The following AHCYL2 variants were observed in gnomAD, a reference collection of about 807,000 sequenced individuals.
AHCYL2 encodes S-adenosylhomocysteine hydrolase-like protein 2.
Under a neutral mutation model 81.4 loss-of-function variants are expected in AHCYL2, and 28 were observed. The observed-to-expected ratio is 0.34, with a 90% confidence interval of 0.25 to 0.47. AHCYL2 has a LOEUF of 0.47. AHCYL2 is among the 20% of genes least tolerant of loss of function. The pLI, the probability that AHCYL2 is intolerant of heterozygous loss-of-function variation, is 1.00. For missense variants in AHCYL2, 551 were observed against 785.1 expected (o/e 0.70, Z 3.56); for synonymous variants, 272 against 290.2 (o/e 0.94, Z 0.64).
intron 12 of AHCYL2, among the ~76,000 whole-genome samples, chr7:129,414,394 A>G (rs1796740123): frequency 1.3e-5 from 2 of 151,184 alleles, no homozygotes; most frequent in Admixed American, 1.3e-4. Flanking sequence ...AAGTTGCCCA[A>G]GTAATAGTTA....
intron 1 of AHCYL2, among the ~76,000 whole-genome samples, chr7:129,232,029 A>G (rs1380619205): frequency 6.6e-6 from 1 of 151,884 alleles, no homozygotes; most frequent in Admixed American, 6.6e-5. Flanking sequence ...AGGGTATTTG[A>G]ACTGCTGATT....
chr7:129,362,045 TTG>T (rs1793947687), intron 1 of AHCYL2, among the ~76,000 whole-genome samples: 1 of 152,208 alleles, frequency 6.6e-6, no homozygotes, highest in African/African-American at 2.4e-5. Flanking sequence ...AACCAGGCAG[TTG>T]AGTACTACTC....
At chr7:129,338,394 A>T (rs1051438506) in intron 1 of AHCYL2, among the ~76,000 whole-genome samples, 2 of 151,998 alleles carry the variant, frequency 1.3e-5, no homozygotes, top group Non-Finnish European at 2.9e-5. Flanking sequence ...GCCTCAAGTG[A>T]TCCTCCTGCC....
intron 14 of AHCYL2, 51 bp downstream of exon 14, chr7:129,424,993 C>T (rs1400200500): frequency 1.2e-6 from 2 of 1,612,450 alleles, no homozygotes; most frequent in African/African-American, 2.7e-5. Flanking sequence ...TCCTCAGACC[C>T]ACCAGGTTTC....
intron 1 of AHCYL2, among the ~76,000 whole-genome samples, chr7:129,296,860 A>G (rs1160060747): frequency 4.6e-5 from 7 of 152,242 alleles, no homozygotes; most frequent in African/African-American, 1.7e-4. Context: ...TAAAAATTTC[A>G]GGACATTCTG....
At chr7:129,309,876 G>T (rs1797590139) in intron 1 of AHCYL2, among the ~76,000 whole-genome samples, 1 of 151,752 alleles carries the variant, frequency 6.6e-6, no homozygotes, top group Non-Finnish European at 1.5e-5. Flanking sequence ...ACTCATCTCA[G>T]ACCCCTTCCT....
chr7:129,413,913 G>C (rs1338386333), intron 12 of AHCYL2, among the ~76,000 whole-genome samples: 1 of 152,152 alleles, frequency 6.6e-6, no homozygotes, highest in African/African-American at 2.4e-5. Context: ...ATTCAAGCTC[G>C]ATGCCTGTTT....
intron 1 of AHCYL2, among the ~76,000 whole-genome samples, chr7:129,355,759 T>C (rs1023404983): frequency 3.9e-5 from 6 of 152,212 alleles, no homozygotes; most frequent in African/African-American, 1.2e-4. Flanking sequence ...CAATTTTTGC[T>C]TCTTAAGTAG....
chr7:129,371,481 G>A (rs1039274652), intron 1 of AHCYL2, among the ~76,000 whole-genome samples: 8 of 152,156 alleles, frequency 5.3e-5, no homozygotes, highest in African/African-American at 1.9e-4. Flanking sequence ...TCAAGGTTAC[G>A]TTCCATCAAT....
At chr7:129,379,824 A>G in intron 2 of AHCYL2, 75 bp downstream of exon 2, 1 of 1,128,824 alleles carries the variant, frequency 8.9e-7, no homozygotes, top group Non-Finnish European at 1.3e-6. Context: ...CTGTCTATCC[A>G]AGGCTAATTA....
chr7:129,403,734 G>A lies in AHCYL2; in HGVS notation c.1025+249G>A, dbSNP rs540617777. Among the ~76,000 whole-genome samples, 4 of 151,778 alleles carry A rather than the reference G, an allele frequency of 2.6e-5. No individual in the cohort carries two copies. The South Asian group carries it at 8.3e-4, about 32-fold the overall frequency. On this transcript the variant is annotated intron_variant, in intron 7 of 16. Transcript: ENST00000325006. ...AAAAAATTAGCCTGGTGTGGTGGGC[G>A]CCTGTGGTCCCAGCTACTCGGGAGG...
At chr7:129,400,198 G>A in intron 5 of AHCYL2, 92 bp from the exon 6 acceptor site, 1 of 1,117,756 alleles carries the variant, frequency 8.9e-7, no homozygotes, top group Non-Finnish European at 1.3e-6. Context: ...GAGAGAGTTG[G>A]AAATTAGGAA....
At chr7:129,261,424 G>A (rs73722905) in intron 1 of AHCYL2, among the ~76,000 whole-genome samples, 512 of 152,190 alleles carry the variant, frequency 3.4e-3, no homozygotes, top group African/African-American at 0.012. Flanking sequence ...TCTTAGAATC[G>A]TTGTTCAACC....
chr7:129,315,963 T>A (rs565013352), intron 1 of AHCYL2, among the ~76,000 whole-genome samples: 1 of 152,230 alleles, frequency 6.6e-6, no homozygotes, highest in African/African-American at 2.4e-5. Flanking sequence ...GAAGAGGAGA[T>A]GCAAGAGATC....
At chr7:129,276,618 G>C (rs1796214966) in intron 1 of AHCYL2, among the ~76,000 whole-genome samples, 1 of 151,176 alleles carries the variant, frequency 6.6e-6, no homozygotes, top group African/African-American at 2.4e-5. Context: ...GCATGGTGGT[G>C]GGCACCTGTA....
chr7:129,405,390 C>A (rs1260266979), intron 8 of AHCYL2, 177 bp downstream of exon 8: 2 of 421,596 alleles, frequency 4.7e-6, no homozygotes, highest in African/African-American at 4.1e-5. Flanking sequence ...TCCTTTGTAT[C>A]TTTTCTATTT....
At chr7:129,405,969 T>G in intron 9 of AHCYL2, 70 bp downstream of exon 9, 1 of 1,473,336 alleles carries the variant, frequency 6.8e-7, no homozygotes, top group South Asian at 1.2e-5. Context: ...AATTTTTTAT[T>G]TGTATGGACA....
At chr7:129,225,798 A>G (rs896331824) in intron 1 of AHCYL2, among the ~76,000 whole-genome samples, 1 of 152,184 alleles carries the variant, frequency 6.6e-6, no homozygotes, top group Non-Finnish European at 1.5e-5. Flanking sequence ...TAGTATAGAA[A>G]AACCTTACCG....
intron 6 of AHCYL2, among the ~76,000 whole-genome samples, chr7:129,402,039 C>G (rs972416303): frequency 3.3e-5 from 5 of 152,176 alleles, no homozygotes; most frequent in African/African-American, 4.8e-5. Context: ...TTAGAGACAG[C>G]AACTACTGTC....
Sources: gnomAD v4.1 joint callset for allele counts (sites outside exome capture counted in the v4.1 genomes callset) on GRCh38, gnomAD v4.1.1 for gene constraint, MANE v1.5 for transcripts, NCBI Gene and HGNC (gene_info 2026-07-23, HGNC 2026-07-21) for gene names.